Variants in FBXL2 observed in about 807,000 individuals in gnomAD.
The protein encoded by FBXL2 is F-box/LRR-repeat protein 2.
In FBXL2, 38 loss-of-function variants were observed where a neutral mutation model predicts 69.2. The ratio of observed to expected loss-of-function variants is 0.55; its 90% CI spans 0.42 to 0.72. The LOEUF is 0.72. FBXL2 is among the 30% of genes least tolerant of loss of function. The pLI is 0.00. For missense variants in FBXL2, 354 were observed against 520.3 expected (o/e 0.68, Z 3.11); for synonymous variants, 192 against 201.3 (o/e 0.95, Z 0.39).
At chr3:33,391,873 T>C (rs2043779717), downstream of FBXL2, 1 of 152,416 alleles carries the variant, frequency 6.6e-6, no homozygotes, top group Non-Finnish European at 1.5e-5. Context: ...AAATCCGAAC[T>C]ACCATCATCA....
chr3:33,384,203 T>A lies in FBXL2; in HGVS notation c.1164+2T>A, dbSNP rs2043253751. On this transcript the variant is annotated splice_donor_variant, in intron 14 of 14. Coordinates refer to ENST00000484457, the MANE Select transcript of FBXL2 (RefSeq NM_012157.5). LOFTEE classifies it high-confidence loss of function. ...CGTGCAGGCATCAAGCGGATGCGGG[T>A]AGGTATGGGGCAGGGGAGTCAGTCA... is the stretch of plus-strand genomic sequence containing the variant. The A allele has an allele frequency of 6.2e-7, 1 of 1,613,208 alleles. No individual in the cohort carries two copies. The highest frequency in any genetic ancestry group is 1.3e-5 in the African/African-American group (1 of 74,786).
chr3:33,396,872 G>C (rs2044017906), intron 12 of FBXL2: 2 of 704,506 alleles, frequency 2.8e-6, no homozygotes, highest in Non-Finnish European at 5.2e-6. Flanking sequence ...TCATATCTGG[G>C]CCTGCCCTGA....
intron 2 of FBXL2, among the ~76,000 whole-genome samples, chr3:33,306,808 GT>G (rs1386612381): frequency 1.3e-5 from 2 of 152,052 alleles, no homozygotes; most frequent in East Asian, 1.9e-4. Context: ...ACAATGTTTG[GT>G]TTTATCTTTT....
the FBXL2 span, among the ~76,000 whole-genome samples, chr3:33,413,081 T>C: frequency 6.6e-6 from 1 of 152,178 alleles, no homozygotes; most frequent in Non-Finnish European, 1.5e-5. Flanking sequence ...ATAAAATGAT[T>C]TGTTATTGCA....
rs34703817 is a variant in FBXL2, at chr3:33,322,064, A to ATTTTTTTTTT, written c.65+24361_65+24370dup. Among the ~76,000 whole-genome samples, 4 of 62,444 alleles carry ATTTTTTTTTT rather than the reference A, an allele frequency of 6.4e-5. 1 individual carries two copies. The highest frequency in any genetic ancestry group is 2.3e-4 in the African/African-American group (3 of 13,132). The allele number at this position is 62,444 out of a possible 152,430, so 41.0% of individuals were successfully genotyped here. On this transcript the variant is annotated intron_variant, in intron 2 of 14. Coordinates refer to ENST00000484457, the MANE Select transcript of FBXL2 (RefSeq NM_012157.5). ...CAAATGTACACGTGGTGACTAGGTG[A>ATTTTTTTTTT]TTTTTTTTTTTTTTTTTTTTTTTTT...
intron 2 of FBXL2, among the ~76,000 whole-genome samples, chr3:33,312,301 C>G (rs575932102): frequency 6.6e-5 from 10 of 152,316 alleles, no homozygotes; most frequent in African/African-American, 1.9e-4. Flanking sequence ...CCAAGCAGTC[C>G]TCCTGCCTCA....
intron 1 of FBXL2, among the ~76,000 whole-genome samples, chr3:33,282,226 A>C (rs753702509): frequency 5.9e-5 from 9 of 152,118 alleles, no homozygotes; most frequent in Non-Finnish European, 1.3e-4. Flanking sequence ...TTTTTGTATA[A>C]GGTATAAGGA....
chr3:33,298,019 GTGA>G (rs2035904880), intron 2 of FBXL2: 6 of 383,280 alleles, frequency 1.6e-5, no homozygotes, highest in Non-Finnish European at 2.9e-5. Context: ...GTAGATAATC[GTGA>G]TGAAGTCAGT....
rs569982097 is a variant in FBXL2 at position 33,344,552 on chromosome 3, G to GT, written c.66-14414dup. 1.4e-3 allele frequency among the ~76,000 whole-genome samples: 215 copies of GT among 152,180 alleles called. 2 individuals carry two copies. The highest frequency in any genetic ancestry group is 1.4e-3 in the Non-Finnish European group (94 of 67,972). Reference sequence around the variant, plus strand: ...TTGAGATAAAATCATAAATCAATGTGTAAGTGTTCAAAAATAAATTCCAGA... The same window carrying GT: ...TTGAGATAAAATCATAAATCAATGTGTTAAGTGTTCAAAAATAAATTCCAGA... On this transcript the variant is annotated intron_variant, in intron 2 of 14. Transcript: ENST00000484457.
chr3:33,385,220 T>G (rs2043343846), intron 14 of FBXL2, among the ~76,000 whole-genome samples: 1 of 152,144 alleles, frequency 6.6e-6, no homozygotes, highest in Admixed American at 6.5e-5. Context: ...CCATCCAGGG[T>G]GCTACAGCTG....
the FBXL2 span, chr3:33,412,685 A>G: frequency 7.7e-7 from 1 of 1,291,690 alleles, no homozygotes; most frequent in Non-Finnish European, 1.1e-6. Flanking sequence ...GCTAAACAAT[A>G]CCCTCATCTC....
intron 12 of FBXL2, among the ~76,000 whole-genome samples, chr3:33,402,545 A>G (rs1249303774): frequency 1.3e-5 from 2 of 152,202 alleles, no homozygotes; most frequent in African/African-American, 4.8e-5. Context: ...TATCTTGGCT[A>G]TGTCTTGAAA....
At chr3:33,416,443 T>C in the FBXL2 span, among the ~76,000 whole-genome samples, 3 of 152,244 alleles carry the variant, frequency 2.0e-5, no homozygotes, top group Non-Finnish European at 4.4e-5. Context: ...TAAAGTTTTA[T>C]GCCAACATTG....
At chr3:33,393,571 A>C (rs2043852448) in intron 12 of FBXL2, 1 of 936,084 alleles carries the variant, frequency 1.1e-6, no homozygotes, top group Admixed American at 3.7e-5. Context: ...AAAAGTAAAA[A>C]AACATTTTAA....
chr3:33,280,794 T>C (rs1559479295), intron 1 of FBXL2, among the ~76,000 whole-genome samples: 1 of 151,904 alleles, frequency 6.6e-6, no homozygotes, highest in Non-Finnish European at 1.5e-5. Flanking sequence ...ACAAAATCTA[T>C]TGGGATATAT....
chr3:33,410,438 G>A, the FBXL2 span, among the ~76,000 whole-genome samples: 2 of 152,192 alleles, frequency 1.3e-5, no homozygotes, highest in African/African-American at 4.8e-5. Flanking sequence ...CCAACAGTAT[G>A]AGTTTACATC....
intron 12 of FBXL2, chr3:33,397,280 CA>C (rs540503121): frequency 3.0e-4 from 162 of 542,734 alleles, no homozygotes; most frequent in African/African-American, 2.1e-3. Flanking sequence ...TATAAGAAGA[CA>C]AACAGACACC....
chr3:33,376,884 C>T (rs907552481), intron 10 of FBXL2, among the ~76,000 whole-genome samples: 2 of 152,080 alleles, frequency 1.3e-5, no homozygotes, highest in Non-Finnish European at 2.9e-5. Flanking sequence ...ACCTGTAGTC[C>T]CAGCTACTTG....
chr3:33,277,866 C>G (rs975872774), intron 1 of FBXL2, among the ~76,000 whole-genome samples: 1 of 152,068 alleles, frequency 6.6e-6, no homozygotes, highest in African/African-American at 2.4e-5. Flanking sequence ...AAAAAAAAAT[C>G]TTGTATATGG....
Sources: allele counts gnomAD v4.1 joint callset (sites outside exome capture counted in the v4.1 genomes callset), GRCh38; gene constraint gnomAD v4.1.1; transcripts MANE v1.5; gene names NCBI Gene and HGNC (gene_info 2026-07-23, HGNC 2026-07-21).